Variants in CHMP6 observed in about 807,000 individuals in gnomAD.
CHMP6 encodes the protein charged multivesicular body protein 6.
A neutral mutation model predicts 32.8 loss-of-function variants in CHMP6; 10 were observed. The ratio of observed to expected loss-of-function variants is 0.30; its 90% CI spans 0.19 to 0.52. CHMP6 has a LOEUF of 0.52. Among genes scored for constraint, CHMP6 ranks in the 20% least tolerant of loss-of-function variants. CHMP6 has a pLI of 0.97. For missense variants in CHMP6, 269 were observed against 263.8 expected, an observed-to-expected ratio of 1.02 and a Z score of -0.14; for synonymous variants, 123 against 105.8, an observed-to-expected ratio of 1.16 and a Z score of -1.00.
At chr17:80,992,308 C>G (rs1346306443) in intron 1 of CHMP6, among the ~76,000 whole-genome samples, 1 of 151,992 alleles carries the variant, frequency 6.6e-6, no homozygotes, top group Non-Finnish European at 1.5e-5. Flanking sequence ...AGCCTGGCGG[C>G]CCGTCCGTGG....
At position 80,997,353 on chromosome 17, in the gene CHMP6, CCCG is replaced by C. The variant is rs1568029011; in HGVS notation, c.495+13_495+15del. On this transcript the variant is annotated intron_variant, in intron 6 of 7. Coordinates refer to ENST00000325167, the MANE Select transcript of CHMP6 (RefSeq NM_024591.5). ...GCGCAATCACTCAGGTAACGGCCCC[CCCG>C]GGACTGAGCACAGTCACTCAGGCAG... is the stretch of plus-strand genomic sequence containing the variant. 1.6e-5 allele frequency: 26 copies of C among 1,609,978 alleles called. 3 individuals carry two copies. Among genetic ancestry groups the C allele is most frequent in the Non-Finnish European group, 1.8e-5 (21 of 1,177,924 alleles).
At chr17:80,996,727 G>A (rs546681753) in intron 4 of CHMP6, among the ~76,000 whole-genome samples, 6 of 152,322 alleles carry the variant, frequency 3.9e-5, no homozygotes, top group Admixed American at 1.3e-4. Flanking sequence ...TCATCAAACG[G>A]CCCCTGTGGC....
intron 4 of CHMP6, among the ~76,000 whole-genome samples, chr17:80,996,036 C>G (rs72850587): frequency 0.023 from 3,458 of 152,118 alleles, 49 homozygotes; most frequent in South Asian, 0.048. Context: ...AGAAGGCTTC[C>G]TGGAGGTGGC....
At position 80,995,112 on chromosome 17, in the gene CHMP6, C is replaced by A. The variant is rs201206691; in HGVS notation, c.261+6C>A. The A allele has an allele frequency of 3.1e-6, 5 of 1,594,920 alleles. No homozygotes were observed. Among genetic ancestry groups the A allele is most frequent in the Non-Finnish European group, 4.3e-6 (5 of 1,172,906 alleles). ...TCAGCAGCCTGGAGGCCATGGTAGG[C>A]GGCCGGGTGCTTCGCCCTGGAGTGC... On this transcript the variant is annotated splice_donor_region_variant and intron_variant, in intron 3 of 7. Coordinates refer to ENST00000325167, the MANE Select transcript of CHMP6 (RefSeq NM_024591.5).
At chr17:80,995,137 C>G in intron 3 of CHMP6, 31 bp downstream of exon 3, 1 of 1,573,764 alleles carries the variant, frequency 6.4e-7, no homozygotes, top group Non-Finnish European at 8.6e-7. Flanking sequence ...CCCTGGAGTG[C>G]AGGTGCAGCT....
rs1474027811 is a variant in CHMP6, at chr17:80,997,036, C to T, written c.378C>T (p.Ile126=). ...TGTCCATTGAAGAGGTGGAGAGGAT[C>T]CTGGACGAGACGCAGGAGGCCGTGG... ...QVMSIEEVER[I]LDETQEAVEY... is the part of the protein sequence containing the mutation. Residue 126 remains isoleucine (I), a synonymous_variant, in exon 5 of 8, where the codon ATC becomes ATT. Coordinates refer to ENST00000325167, the MANE Select transcript of CHMP6 (RefSeq NM_024591.5). The T allele has an allele frequency of 6.2e-7, 1 of 1,613,834 alleles. No individual in the cohort carries two copies. The highest frequency in any genetic ancestry group is 8.5e-7 in the Non-Finnish European group (1 of 1,179,984).
At chr17:80,994,013 C>A (rs1175461831) in intron 1 of CHMP6, among the ~76,000 whole-genome samples, 1 of 152,148 alleles carries the variant, frequency 6.6e-6, no homozygotes, top group Admixed American at 6.5e-5. Flanking sequence ...CCCGGGTTCA[C>A]GCTGTTCTCC....
Position 80,997,329 on chromosome 17 carries a change from C to T in CHMP6, c.483C>T (p.Ser161=), listed in dbSNP as rs1435293298. 27 of 1,610,938 alleles carry T rather than the reference C, an allele frequency of 1.7e-5. No individual in the cohort carries two copies. The highest frequency in any genetic ancestry group is 2.1e-5 in the Non-Finnish European group (25 of 1,179,828). Reference sequence around the variant, plus strand: ...AAGACGCCATCCTGGAGGAGCTGAGCGCAATCACTCAGGTAACGGCCCCCC... The same window carrying T: ...AAGACGCCATCCTGGAGGAGCTGAGTGCAATCACTCAGGTAACGGCCCCCC... ...EDEDAILEEL[S]AITQEQIELP... is the part of the protein sequence containing the mutation. The change falls in exon 6 of 8, where the codon AGC becomes AGT. Residue 161 remains serine, a synonymous_variant. Transcript: ENST00000325167.
intron 6 of CHMP6, among the ~76,000 whole-genome samples, chr17:80,997,583 C>T (rs538204253): frequency 6.6e-5 from 10 of 152,214 alleles, no homozygotes; most frequent in South Asian, 4.1e-4. Context: ...GCCTTCCTGG[C>T]GCCTCGGCCC....
chr17:80,997,447 T>A, intron 6 of CHMP6, 106 bp downstream of exon 6: 1 of 643,220 alleles, frequency 1.6e-6, no homozygotes, highest in Non-Finnish European at 2.4e-6. Flanking sequence ...TGGTGTCCTT[T>A]AAGTAAATAG....
At chr17:80,992,024 C>T in intron 1 of CHMP6, 43 bp downstream of exon 1, 1 of 1,311,676 alleles carries the variant, frequency 7.6e-7, no homozygotes, top group Non-Finnish European at 9.9e-7. Flanking sequence ...CCGGGACAGG[C>T]GACGGGGCCG....
rs202105806 is a variant in CHMP6, at chr17:80,999,111, C to G, written c.564C>G (p.Val188=). The G allele has an allele frequency of 9.3e-6, 15 of 1,613,962 alleles. No individual in the cohort carries two copies. The highest frequency in any genetic ancestry group is 1.3e-5 in the Non-Finnish European group (15 of 1,179,976). ...LPEKIPENVP[V]KARPRQAELV... Reference sequence around the variant, plus strand: ...TTTCCTCCACAGAAAACGTCCCTGTCAAGGCCAGGCCCAGGCAGGCGGAGC... The same window carrying G: ...TTTCCTCCACAGAAAACGTCCCTGTGAAGGCCAGGCCCAGGCAGGCGGAGC... Residue 188 remains valine (V), a synonymous_variant, in exon 8 of 8, where the codon GTC becomes GTG. Transcript: ENST00000325167.
chr17:80,998,320 G>A (rs374907086), intron 6 of CHMP6, 46 bp from the exon 7 acceptor site: 23 of 1,612,476 alleles, frequency 1.4e-5, no homozygotes, highest in Non-Finnish European at 2.0e-5. Flanking sequence ...GGCAGCCCGG[G>A]GCAGACCTGT....
At chr17:80,994,468 C>A in intron 1 of CHMP6, 113 bp from the exon 2 acceptor site, 4 of 851,984 alleles carry the variant, frequency 4.7e-6, no homozygotes, top group Non-Finnish European at 5.3e-6. Flanking sequence ...GGCAACCCTG[C>A]CCCATGAAGG....
chr17:80,996,400 G>A lies in CHMP6; in HGVS notation c.349-607G>A, dbSNP rs151091448. On this transcript the variant is annotated intron_variant, in intron 4 of 7. Transcript: ENST00000325167. Reference sequence around the variant, plus strand: ...GCCGGGCATGGATGTGAAGCCCAGCGTGGCCATACCACGTTCCCCCACCAA... The same window carrying A: ...GCCGGGCATGGATGTGAAGCCCAGCATGGCCATACCACGTTCCCCCACCAA... Among the ~76,000 whole-genome samples, 245 of 152,006 alleles carry A rather than the reference G, an allele frequency of 1.6e-3. 12 individuals are homozygous for A. In the East Asian group the frequency reaches 0.035, roughly 22 times the overall value.
At chr17:80,994,724 C>G (rs56236825) in intron 2 of CHMP6, 34 bp downstream of exon 2, 20 of 1,141,344 alleles carry the variant, frequency 1.8e-5, no homozygotes, top group East Asian at 5.9e-5. Context: ...GGCACCCTGT[C>G]GGCTGGGGTG....
Position 80,999,512 on chromosome 17 carries a change from C to G in CHMP6, c.*359C>G, listed in dbSNP as rs930808232. 2 of 237,650 alleles carry G rather than the reference C, an allele frequency of 8.4e-6. No individual in the cohort carries two copies. The highest frequency in any genetic ancestry group is 1.7e-5 in the Non-Finnish European group (2 of 120,644). 14.7% of individuals were successfully genotyped at this position (237,650 alleles called of 1,614,324 possible). A position where few individuals can be genotyped will look rare whatever the true frequency, so the allele number is the denominator to read the frequency against. ...GCGCTCGTCTGTGAGGAAGACACCT[C>G]CAGACCTTGGGGTCCCCGCGCTTCC... On this transcript the variant is annotated 3_prime_UTR_variant, in exon 8 of 8. Transcript: ENST00000325167.
chr17:80,995,612 G>A lies in CHMP6; in HGVS notation c.262-60G>A, dbSNP rs914970747. The A allele has an allele frequency of 2.0e-6, 3 of 1,483,656 alleles. No individual in the cohort carries two copies. The African/African-American group carries it at 4.1e-5, about 21-fold the overall frequency. 91.9% of individuals were successfully genotyped at this position (1,483,656 alleles called of 1,614,324 possible). On this transcript the variant is annotated intron_variant, in intron 3 of 7. Transcript: ENST00000325167. ...GGTGTCATCCTGAACCCTGCCCCAG[G>A]GCCGGGAGGAGGGCACCCCGGATCC...
intron 6 of CHMP6, among the ~76,000 whole-genome samples, chr17:80,997,656 C>A (rs1372545532): frequency 6.6e-6 from 1 of 152,078 alleles, no homozygotes; most frequent in East Asian, 1.9e-4. Context: ...TGCTGACTCA[C>A]GTCCCACATA....
Sources: gnomAD v4.1 joint callset for allele counts (sites outside exome capture counted in the v4.1 genomes callset) on GRCh38, gnomAD v4.1.1 for gene constraint, MANE v1.5 for transcripts, NCBI Gene and HGNC (gene_info 2026-07-23, HGNC 2026-07-21) for gene names.